EFCAB6: variants seen among roughly 807,000 people sequenced by gnomAD.
EFCAB6 encodes the protein EF-hand calcium binding domain 6, also known as EF-hand calcium-binding domain-containing protein 6.
A neutral mutation model predicts 169.8 loss-of-function variants in EFCAB6; 156 were observed. The observed-to-expected ratio is 0.92, with a 90% CI of 0.81 to 1.05. The LOEUF (loss-of-function observed/expected upper bound fraction) is 1.05, where lower values mean the gene tolerates loss of function less well. Ranked by LOEUF, EFCAB6 falls within the 50% of genes least tolerant of loss-of-function variation. The pLI is 0.00. For synonymous variants in EFCAB6, 698 were observed against 676.4 expected, an observed-to-expected ratio of 1.03 and a Z score of -0.50; for missense variants, 1,800 against 1,829.1, an observed-to-expected ratio of 0.98 and a Z score of 0.29.
chr22:43,782,364 A>G, intron 2 of EFCAB6, 39 bp from the exon 3 acceptor site: 1 of 1,590,982 alleles, frequency 6.3e-7, no homozygotes, highest in Non-Finnish European at 8.6e-7. Context: ...TACCTTAAAG[A>G]GCATACATTC....
At chr22:43,677,936 G>C in intron 13 of EFCAB6, 60 bp downstream of exon 13, 1 of 1,520,204 alleles carries the variant, frequency 6.6e-7, no homozygotes, top group Non-Finnish European at 8.9e-7. Flanking sequence ...CTCTTATTAG[G>C]AATACTGAAA....
At chr22:43,579,348 AGGT>A in intron 25 of EFCAB6, among the ~76,000 whole-genome samples, 1 of 151,226 alleles carries the variant, frequency 6.6e-6, no homozygotes, top group Non-Finnish European at 1.5e-5. Flanking sequence ...CCCTACACGC[AGGT>A]ATCATTCCCT....
intron 5 of EFCAB6, among the ~76,000 whole-genome samples, chr22:43,761,683 A>T (rs1382603512): frequency 6.6e-6 from 1 of 152,196 alleles, no homozygotes; most frequent in African/African-American, 2.4e-5. Flanking sequence ...ATTGGATATG[A>T]CATCTATTGG....
intron 26 of EFCAB6, among the ~76,000 whole-genome samples, chr22:43,564,400 A>T (rs560058450): frequency 1.6e-4 from 25 of 151,880 alleles, no homozygotes; most frequent in African/African-American, 5.3e-4. Flanking sequence ...GTGAGCCAAG[A>T]CTGTGCCACT....
intron 2 of EFCAB6, among the ~76,000 whole-genome samples, chr22:43,786,288 G>C (rs988227895): frequency 6.6e-6 from 1 of 152,094 alleles, no homozygotes; most frequent in East Asian, 1.9e-4. Flanking sequence ...GCTTGAACTT[G>C]GGAGGTGGAT....
At chr22:43,641,239 A>G (rs971271729) in intron 17 of EFCAB6, among the ~76,000 whole-genome samples, 8 of 152,202 alleles carry the variant, frequency 5.3e-5, no homozygotes, top group Non-Finnish European at 8.8e-5. Flanking sequence ...TTGAATCCTG[A>G]GTCTGACTAA....
chr22:43,669,422 G>C (rs1279407968), intron 15 of EFCAB6, among the ~76,000 whole-genome samples: 1 of 152,154 alleles, frequency 6.6e-6, no homozygotes, highest in Non-Finnish European at 1.5e-5. Context: ...AAAACAAAAT[G>C]AATGAATCAC....
At chr22:43,663,125 G>A (rs989390778) in intron 17 of EFCAB6, among the ~76,000 whole-genome samples, 3 of 152,214 alleles carry the variant, frequency 2.0e-5, no homozygotes, top group African/African-American at 7.2e-5. Flanking sequence ...CATGGTAGGT[G>A]CAGCTATCAC....
chr22:43,785,535 T>C (rs1481503209), intron 2 of EFCAB6, among the ~76,000 whole-genome samples: 1 of 150,054 alleles, frequency 6.7e-6, no homozygotes, highest in Admixed American at 6.8e-5. Flanking sequence ...AATTTGTAGA[T>C]GTTAATGCCT....
chr22:43,622,826 C>T (rs975169315), intron 20 of EFCAB6, among the ~76,000 whole-genome samples: 6 of 152,066 alleles, frequency 3.9e-5, no homozygotes, highest in Non-Finnish European at 5.9e-5. Flanking sequence ...AATGAAACAC[C>T]ACTAGGACAT....
chr22:43,671,110 G>A (rs2057472880), intron 15 of EFCAB6, among the ~76,000 whole-genome samples: 2 of 152,252 alleles, frequency 1.3e-5, no homozygotes, highest in Admixed American at 1.3e-4. Context: ...GAGGCTGGTG[G>A]AGGGCCTGTG....
chr22:43,651,087 C>G (rs904595516), intron 17 of EFCAB6, among the ~76,000 whole-genome samples: 4 of 152,144 alleles, frequency 2.6e-5, no homozygotes, highest in Admixed American at 1.3e-4. Context: ...GCATAAGTAA[C>G]GAGGAGGAGA....
chr22:43,779,426 C>A (rs1346486259), intron 3 of EFCAB6, among the ~76,000 whole-genome samples: 1 of 152,084 alleles, frequency 6.6e-6, no homozygotes, highest in African/African-American at 2.4e-5. Flanking sequence ...TGCTGGGAGG[C>A]AAATATATCT....
chr22:43,571,454 T>C (rs2049867648), intron 26 of EFCAB6, among the ~76,000 whole-genome samples: 1 of 152,196 alleles, frequency 6.6e-6, no homozygotes, highest in African/African-American at 2.4e-5. Context: ...TTTAATGAGC[T>C]TAAGGATGAT....
chr22:43,630,263 A>G, intron 19 of EFCAB6, among the ~76,000 whole-genome samples: 1 of 152,218 alleles, frequency 6.6e-6, no homozygotes, highest in East Asian at 1.9e-4. Context: ...ACCCGCATCC[A>G]GTCTGTCTCA....
Position 43,744,844 on chromosome 22 carries a change from G to A in EFCAB6, c.508-8851C>T, listed in dbSNP as rs919462187. On this transcript the variant is annotated intron_variant, in intron 6 of 31. Coordinates refer to ENST00000262726, the MANE Select transcript of EFCAB6 (RefSeq NM_022785.4). This position sits in a 1 kb window ranked among gnomAD's most constrained non-coding sequence, Gnocchi z 4.3. ...GGGAGAGAGGAAGCAGAAAGAAGGA[G>A]GGAGGTACAGCCAGTGAGCAGGCCC... Among the ~76,000 whole-genome samples, 2 of 152,190 alleles carry A rather than the reference G, an allele frequency of 1.3e-5. No individual in the cohort carries two copies. Among genetic ancestry groups the A allele is most frequent in the Non-Finnish European group, 2.9e-5 (2 of 68,040 alleles).
chr22:43,572,130 G>C lies in EFCAB6; in HGVS notation c.3420+4167C>G, dbSNP rs2049926230. Among the ~76,000 whole-genome samples the C allele has an allele frequency of 6.6e-6, 1 of 152,192 alleles. No homozygotes were observed. The highest frequency in any genetic ancestry group is 1.5e-5 in the Non-Finnish European group (1 of 68,036). ...CACGGTTCCTAGTCCACCGTGGTTA[G>C]TCCCTGTCTCAAGCACATTTCTCCT... On this transcript the variant is annotated intron_variant, in intron 26 of 31. Coordinates refer to ENST00000262726, the MANE Select transcript of EFCAB6 (RefSeq NM_022785.4). The surrounding 1 kb of genome is among the most constrained non-coding windows in gnomAD (Gnocchi z 4.0).
intron 27 of EFCAB6, among the ~76,000 whole-genome samples, chr22:43,545,013 G>A (rs558203632): frequency 7.0e-4 from 106 of 152,250 alleles, no homozygotes; most frequent in Non-Finnish European, 1.1e-3. Context: ...CGGGCGTGGT[G>A]GCGGGCGCCT....
chr22:43,570,315 A>G (rs1359499380), intron 26 of EFCAB6, among the ~76,000 whole-genome samples: 1 of 152,180 alleles, frequency 6.6e-6, no homozygotes, highest in Non-Finnish European at 1.5e-5. Flanking sequence ...AATAAAGTAG[A>G]AAGATTTTAT....
Sources: allele counts gnomAD v4.1 joint callset (sites outside exome capture counted in the v4.1 genomes callset), GRCh38; gene constraint gnomAD v4.1.1; non-coding constraint Gnocchi (gnomAD v3.1); transcripts MANE v1.5; gene names NCBI Gene and HGNC (gene_info 2026-07-23, HGNC 2026-07-21).